The following SYN3 variants were observed in gnomAD, a reference collection of about 807,000 sequenced individuals.
SYN3 encodes synapsin III.
A neutral mutation model predicts 65.8 loss-of-function variants in SYN3; 35 were observed. The ratio of observed to expected loss-of-function variants is 0.53; its 90% CI spans 0.41 to 0.70. The LOEUF is 0.70. SYN3 is among the 30% of genes least tolerant of loss of function. SYN3 has a pLI of 0.00. For missense variants in SYN3, 680 were observed against 749.0 expected, an observed-to-expected ratio of 0.91 and a Z score of 1.08; for synonymous variants, 270 against 292.9, an observed-to-expected ratio of 0.92 and a Z score of 0.80.
At position 32,980,657 on chromosome 22, in the gene SYN3, G is replaced by T; in HGVS notation, c.357C>A (p.Ile119=). The T allele has an allele frequency of 2.5e-6, 4 of 1,613,972 alleles. No homozygotes were observed. The highest frequency in any genetic ancestry group is 3.4e-6 in the Non-Finnish European group (4 of 1,179,938). ...HGKKVNGEIE[I]RVEQAEFSEL... is the part of the protein sequence containing the mutation. ...AGCTCCCACCTACCTGCTCCACTCGGATCTCAATCTCTCCATTCACCTTCT... is the reference window on the plus strand; with the variant it reads ...AGCTCCCACCTACCTGCTCCACTCGTATCTCAATCTCTCCATTCACCTTCT... The change falls in exon 3 of 14, where the codon ATC becomes ATA. Residue 119 remains isoleucine (I), a synonymous_variant. Coordinates refer to ENST00000358763, the MANE Select transcript of SYN3 (RefSeq NM_003490.4).
intron 1 of SYN3, among the ~76,000 whole-genome samples, chr22:33,042,994 C>A (rs1053714459): frequency 3.3e-5 from 5 of 152,142 alleles, no homozygotes; most frequent in Admixed American, 6.5e-5. Flanking sequence ...AGGCCATATA[C>A]CCTTTTGTTA....
intron 7 of SYN3, among the ~76,000 whole-genome samples, chr22:32,591,966 C>T (rs990571245): frequency 6.6e-6 from 1 of 152,198 alleles, no homozygotes; most frequent in African/African-American, 2.4e-5. Flanking sequence ...GATCCATTAT[C>T]ACGGAATGTT....
chr22:32,573,930 C>T (rs756330765), intron 7 of SYN3, among the ~76,000 whole-genome samples: 7 of 143,896 alleles, frequency 4.9e-5, no homozygotes, highest in Admixed American at 7.1e-5. Flanking sequence ...CTGCCACGCC[C>T]GGCTAATTTT....
intron 1 of SYN3, among the ~76,000 whole-genome samples, chr22:33,055,763 C>T (rs1395553557): frequency 1.3e-5 from 2 of 152,224 alleles, no homozygotes; most frequent in Non-Finnish European, 2.9e-5. Flanking sequence ...CTATCACATA[C>T]TGGCTATGCA....
chr22:32,563,562 G>A lies in SYN3; in HGVS notation c.775-21849C>T, dbSNP rs577748071. Reference sequence around the variant, plus strand: ...TGTTCCGGGATTGGAGAGTGGTTGGGTGTGGCTGGAGCAGTGGGTGTGAGG... The same window carrying A: ...TGTTCCGGGATTGGAGAGTGGTTGGATGTGGCTGGAGCAGTGGGTGTGAGG... On this transcript the variant is annotated intron_variant, in intron 7 of 13. Transcript: ENST00000358763. Among the ~76,000 whole-genome samples, 63 of 152,344 alleles carry A rather than the reference G, an allele frequency of 4.1e-4. 1 individual carries two copies. In the Middle Eastern group the frequency reaches 0.01, roughly 25 times the overall value.
At chr22:32,859,784 C>G in intron 6 of SYN3, 1 of 232,754 alleles carries the variant, frequency 4.3e-6, no homozygotes, top group South Asian at 6.4e-5. Context: ...TCCCTTTGCC[C>G]TTCTCCTCCA....
At chr22:33,023,297 A>C (rs133964) in intron 1 of SYN3, among the ~76,000 whole-genome samples, 59,830 of 152,006 alleles carry the variant, frequency 0.39, 12,178 homozygotes, top group Middle Eastern at 0.47. Flanking sequence ...GGTCTTTCCC[A>C]TGCTGTTCTT....
At chr22:32,864,213 A>G (rs1464808427) in intron 6 of SYN3, among the ~76,000 whole-genome samples, 1 of 152,184 alleles carries the variant, frequency 6.6e-6, no homozygotes, top group Admixed American at 6.5e-5. Context: ...GCAGGGTCAC[A>G]GCCTTGAATT....
chr22:32,898,229 C>T (rs1450107154), intron 4 of SYN3, among the ~76,000 whole-genome samples: 1 of 152,172 alleles, frequency 6.6e-6, no homozygotes, highest in Non-Finnish European at 1.5e-5. Context: ...CTCCTGACCT[C>T]ATGATCTGCC....
chr22:32,956,309 C>T lies in SYN3; in HGVS notation c.369+24336G>A, dbSNP rs568710897. Among the ~76,000 whole-genome samples the T allele has an allele frequency of 3.3e-5, 5 of 152,052 alleles. No homozygotes were observed. The East Asian group carries it at 9.7e-4, about 30-fold the overall frequency. Reference sequence around the variant, plus strand: ...TAGCTAGGATTACAGGTGCCCACCACCACGCCCAGCTAATTTTTGTATTTT... The same window carrying T: ...TAGCTAGGATTACAGGTGCCCACCATCACGCCCAGCTAATTTTTGTATTTT... On this transcript the variant is annotated intron_variant, in intron 3 of 13. Coordinates refer to ENST00000358763, the MANE Select transcript of SYN3 (RefSeq NM_003490.4).
intron 9 of SYN3, among the ~76,000 whole-genome samples, chr22:32,536,804 G>C (rs1378767655): frequency 6.6e-6 from 1 of 152,178 alleles, no homozygotes; most frequent in African/African-American, 2.4e-5. Flanking sequence ...GCTGAACTTG[G>C]GTGGGCAGAG....
chr22:32,727,604 G>A (rs747069187), intron 6 of SYN3, among the ~76,000 whole-genome samples: 16 of 152,234 alleles, frequency 1.1e-4, no homozygotes, highest in Admixed American at 3.3e-4. Context: ...TCCTACCAAC[G>A]GTGTAAAAGT....
At chr22:33,040,267 A>G (rs187204690) in intron 1 of SYN3, among the ~76,000 whole-genome samples, 1 of 152,126 alleles carries the variant, frequency 6.6e-6, no homozygotes, top group East Asian at 1.9e-4. Flanking sequence ...TACACTTTTT[A>G]AGGACAGGGA....
At chr22:32,604,984 C>T (rs528946761) in intron 6 of SYN3, among the ~76,000 whole-genome samples, 230 of 131,848 alleles carry the variant, frequency 1.7e-3, no homozygotes, top group Middle Eastern at 0.015. Context: ...CCAGCCTGGG[C>T]GATAGAGCGA....
intron 6 of SYN3, among the ~76,000 whole-genome samples, chr22:32,683,293 G>T (rs931137807): frequency 2.6e-5 from 4 of 152,056 alleles, no homozygotes; most frequent in African/African-American, 7.2e-5. Context: ...CCTCTTAATT[G>T]CCTTCCCCCT....
chr22:32,799,903 CA>C (rs750408028), intron 6 of SYN3, among the ~76,000 whole-genome samples: 2 of 152,096 alleles, frequency 1.3e-5, no homozygotes, highest in Non-Finnish European at 2.9e-5. Flanking sequence ...AATCATACCC[CA>C]TAAAACAATG....
At chr22:32,905,925 C>A (rs186306040) in intron 4 of SYN3, among the ~76,000 whole-genome samples, 1 of 152,298 alleles carries the variant, frequency 6.6e-6, no homozygotes, top group African/African-American at 2.4e-5. Flanking sequence ...GCAGAGAGGT[C>A]GGACATTCAC....
chr22:32,994,062 G>A (rs1193419500), intron 2 of SYN3, among the ~76,000 whole-genome samples: 1 of 152,170 alleles, frequency 6.6e-6, no homozygotes, highest in Middle Eastern at 3.2e-3. Context: ...GGAAGCAGCA[G>A]GGGCACCGGG....
intron 7 of SYN3, among the ~76,000 whole-genome samples, chr22:32,578,722 C>T (rs549787446): frequency 1.6e-4 from 25 of 152,326 alleles, no homozygotes; most frequent in African/African-American, 6.0e-4. Flanking sequence ...TATACAGTAT[C>T]TAGCAATCAG....
Sources: gnomAD v4.1 joint callset for allele counts (sites outside exome capture counted in the v4.1 genomes callset) on GRCh38, gnomAD v4.1.1 for gene constraint, MANE v1.5 for transcripts, NCBI Gene and HGNC (gene_info 2026-07-23, HGNC 2026-07-21) for gene names.